Variants in GRB14 observed in about 807,000 individuals in gnomAD.
GRB14 encodes growth factor receptor bound protein 14, also known as growth factor receptor-bound protein 14.
In GRB14, 38 loss-of-function variants were observed where a neutral mutation model predicts 69.1. The observed-to-expected ratio is 0.55, with a 90% CI of 0.42 to 0.72. GRB14 has a LOEUF of 0.72. Among genes scored for constraint, GRB14 ranks in the 30% least tolerant of loss-of-function variants. GRB14 has a pLI of 0.00. For synonymous variants in GRB14, 247 were observed against 241.3 expected (o/e 1.02, Z -0.22); for missense variants, 666 against 666.1 (o/e 1.00, Z 0.00).
chr2:164,510,344 C>T (rs559402533), intron 6 of GRB14, among the ~76,000 whole-genome samples: 14 of 152,112 alleles, frequency 9.2e-5, no homozygotes, highest in Non-Finnish European at 1.8e-4. Context: ...TGAAGTTGAA[C>T]GGGCATGGTT....
At chr2:164,494,041 A>G (rs767089396) in intron 13 of GRB14, among the ~76,000 whole-genome samples, 7 of 152,266 alleles carry the variant, frequency 4.6e-5, no homozygotes, top group Non-Finnish European at 7.4e-5. Context: ...CATTAAAAAC[A>G]AAACAAAACA....
chr2:164,572,509 C>T (rs1471073420), intron 2 of GRB14, among the ~76,000 whole-genome samples: 3 of 152,208 alleles, frequency 2.0e-5, no homozygotes, highest in Admixed American at 6.5e-5. Context: ...ATGACAAACA[C>T]ATATCAATTG....
intron 4 of GRB14, among the ~76,000 whole-genome samples, chr2:164,526,284 T>G (rs1687771974): frequency 6.6e-6 from 1 of 152,034 alleles, no homozygotes; most frequent in Non-Finnish European, 1.5e-5. Flanking sequence ...CAAAACTTAG[T>G]GTAAAAATAT....
chr2:164,535,322 C>A (rs1688052975), intron 3 of GRB14, among the ~76,000 whole-genome samples: 2 of 152,068 alleles, frequency 1.3e-5, no homozygotes, highest in African/African-American at 4.8e-5. Context: ...AAGAAGAAAG[C>A]AAGAAGTTTC....
intron 3 of GRB14, among the ~76,000 whole-genome samples, chr2:164,527,513 T>C (rs1191515239): frequency 2.0e-5 from 3 of 151,864 alleles, no homozygotes; most frequent in African/African-American, 7.2e-5. Context: ...TGACTCATCA[T>C]GGTGCCAAAA....
At chr2:164,512,760 G>C (rs1206984695) in intron 6 of GRB14, among the ~76,000 whole-genome samples, 1 of 152,172 alleles carries the variant, frequency 6.6e-6, no homozygotes, top group African/African-American at 2.4e-5. Flanking sequence ...GAGCAGTTGG[G>C]GGAAAATATG....
chr2:164,571,410 T>C (rs1020486990), intron 2 of GRB14, among the ~76,000 whole-genome samples: 4 of 152,186 alleles, frequency 2.6e-5, no homozygotes, highest in African/African-American at 9.7e-5. Flanking sequence ...GAATTGGTCT[T>C]TTATCTCCAA....
rs189991771 is a variant in GRB14, at chr2:164,540,440, C to G, written c.481+7220G>C. ...CCTGGCCAAGATAGTGAAACCCTGT[C>G]TCTACTAAAAATACAAAAATTAGCT... On this transcript the variant is annotated intron_variant, in intron 3 of 13. Transcript: ENST00000263915. 2.9e-3 allele frequency among the ~76,000 whole-genome samples: 448 copies of G among 152,140 alleles called. 3 individuals carry two copies. Among genetic ancestry groups the G allele is most frequent in the African/African-American group, 9.8e-3 (406 of 41,492 alleles).
chr2:164,547,244 T>C (rs998934512), intron 3 of GRB14, among the ~76,000 whole-genome samples: 2 of 152,150 alleles, frequency 1.3e-5, no homozygotes, highest in Non-Finnish European at 2.9e-5. Flanking sequence ...AAGACAGCGA[T>C]ATGTGAGCTC....
In GRB14 at chr2:164,562,313, T is replaced by C. The variant is rs370874299; in HGVS notation, c.325-14497A>G. On this transcript the variant is annotated intron_variant, in intron 2 of 13. Transcript: ENST00000263915. Reference sequence around the variant, plus strand: ...AGGAGGAGTAATTAACCACCTATCTTGTATTTAAATCTACGTTCCCAAAGA... The same window carrying C: ...AGGAGGAGTAATTAACCACCTATCTCGTATTTAAATCTACGTTCCCAAAGA... 2.6e-5 allele frequency among the ~76,000 whole-genome samples: 4 copies of C among 152,198 alleles called. No individual in the cohort carries two copies. In the East Asian group the frequency reaches 5.8e-4, roughly 22 times the overall value.
chr2:164,610,360 G>A (rs756639630), intron 2 of GRB14, among the ~76,000 whole-genome samples: 32 of 151,870 alleles, frequency 2.1e-4, no homozygotes, highest in Non-Finnish European at 2.8e-4. Context: ...CAGTTCACTG[G>A]GCACTCACTT....
intron 2 of GRB14, among the ~76,000 whole-genome samples, chr2:164,549,197 T>C (rs912191169): frequency 6.6e-6 from 1 of 152,180 alleles, no homozygotes; most frequent in Non-Finnish European, 1.5e-5. Flanking sequence ...CATTTTTAAT[T>C]GGGTTAATTG....
chr2:164,494,641 T>G, intron 12 of GRB14, 117 bp from the exon 13 acceptor site: 1 of 708,908 alleles, frequency 1.4e-6, no homozygotes, highest in Non-Finnish European at 2.6e-6. Flanking sequence ...TCCTTTACTA[T>G]GTATTCAATG....
chr2:164,581,822 A>G (rs187442174), intron 2 of GRB14, among the ~76,000 whole-genome samples: 77 of 152,302 alleles, frequency 5.1e-4, no homozygotes, highest in Admixed American at 1.4e-3. Flanking sequence ...GATTCCTCTC[A>G]CTGGCTTTTA....
chr2:164,591,441 C>A (rs1032695572), intron 2 of GRB14, among the ~76,000 whole-genome samples: 1 of 152,088 alleles, frequency 6.6e-6, no homozygotes, highest in African/African-American at 2.4e-5. Context: ...TATAATAGAC[C>A]CTCAGGCCCA....
intron 2 of GRB14, among the ~76,000 whole-genome samples, chr2:164,593,400 A>G (rs1689712614): frequency 6.6e-6 from 1 of 152,192 alleles, no homozygotes; most frequent in African/African-American, 2.4e-5. Flanking sequence ...ATTGAGAATG[A>G]ATTGGAACTC....
At chr2:164,516,500 A>G (rs1178506444) in intron 6 of GRB14, among the ~76,000 whole-genome samples, 2 of 151,852 alleles carry the variant, frequency 1.3e-5, no homozygotes, top group African/African-American at 4.9e-5. Flanking sequence ...GAAAAAAAAA[A>G]AAAGAAAACC....
At chr2:164,553,231 G>C (rs1688590670) in intron 2 of GRB14, among the ~76,000 whole-genome samples, 1 of 152,088 alleles carries the variant, frequency 6.6e-6, no homozygotes, top group Non-Finnish European at 1.5e-5. Flanking sequence ...AAGAGCAAGA[G>C]GTAAAGTTGG....
At chr2:164,581,973 T>C (rs1321565500) in intron 2 of GRB14, among the ~76,000 whole-genome samples, 1 of 152,238 alleles carries the variant, frequency 6.6e-6, no homozygotes, top group Non-Finnish European at 1.5e-5. Context: ...TTGGCATTCT[T>C]GACTGGCCTC....
Sources: gnomAD v4.1 joint callset for allele counts (sites outside exome capture counted in the v4.1 genomes callset) on GRCh38, gnomAD v4.1.1 for gene constraint, MANE v1.5 for transcripts, NCBI Gene and HGNC (gene_info 2026-07-23, HGNC 2026-07-21) for gene names.